The following STAG1 variants were observed in gnomAD, a reference collection of about 807,000 sequenced individuals.
STAG1 encodes cohesin subunit SA-1.
Under a neutral mutation model 170.9 loss-of-function variants are expected in STAG1, and 26 were observed. The ratio of observed to expected loss-of-function variants is 0.15; its 90% CI spans 0.11 to 0.21. The LOEUF (loss-of-function observed/expected upper bound fraction) is 0.21. STAG1 is among the 10% of genes least tolerant of loss of function. The pLI is 1.00. For synonymous variants in STAG1, 514 were observed against 497.7 expected (o/e 1.03, Z -0.44); for missense variants, 964 against 1,509.5 (o/e 0.64, Z 5.99).
chr3:136,510,336 C>T (rs575946104), intron 7 of STAG1, among the ~76,000 whole-genome samples: 47 of 152,258 alleles, frequency 3.1e-4, no homozygotes, highest in African/African-American at 8.2e-4. Flanking sequence ...GTCGCCCAGA[C>T]GGGAGTGCAG....
chr3:136,672,522 G>A lies in STAG1; in HGVS notation c.-83-41541C>T, dbSNP rs1007029599. Among the ~76,000 whole-genome samples the A allele has an allele frequency of 4.6e-5, 7 of 152,176 alleles. 1 individual carries two copies. The South Asian group carries it at 8.3e-4, about 18-fold the overall frequency. ...AGAGAGAGAAAAAGACTATCACAAA[G>A]CTTGGCTATTTTTTATCTTTAGCAC... On this transcript the variant is annotated intron_variant, in intron 1 of 33. Coordinates refer to ENST00000383202, the MANE Select transcript of STAG1 (RefSeq NM_005862.3).
Position 136,605,310 on chromosome 3 carries a change from G to C in STAG1, c.133-837C>G, listed in dbSNP as rs1351893606. 2.0e-5 allele frequency among the ~76,000 whole-genome samples: 3 copies of C among 151,970 alleles called. No individual in the cohort carries two copies. The East Asian group carries it at 5.8e-4, about 29-fold the overall frequency. On this transcript the variant is annotated intron_variant, in intron 3 of 33. Coordinates refer to ENST00000383202, the MANE Select transcript of STAG1 (RefSeq NM_005862.3). ...ACTTTATTTTAAAAAGTTAATACTT[G>C]CTATAATCTTATCTCTATCTCACCT...
intron 1 of STAG1, among the ~76,000 whole-genome samples, chr3:136,687,446 A>T (rs543478366): frequency 6.2e-4 from 95 of 152,294 alleles, no homozygotes; most frequent in African/African-American, 2.2e-3. Context: ...TTAATTTTAA[A>T]GTCTTTTGTG....
intron 3 of STAG1, among the ~76,000 whole-genome samples, chr3:136,616,149 G>A (rs1441232793): frequency 2.6e-5 from 4 of 151,848 alleles, no homozygotes; most frequent in South Asian, 2.1e-4. Context: ...GGCACCTGTC[G>A]TCCCAGCTAC....
intron 3 of STAG1, among the ~76,000 whole-genome samples, chr3:136,605,342 C>G (rs1399995431): frequency 6.6e-6 from 1 of 152,146 alleles, no homozygotes; most frequent in Non-Finnish European, 1.5e-5. Context: ...ACCTTTAGGG[C>G]CAAGGATCAT....
chr3:136,501,865 T>C (rs1032184468), intron 8 of STAG1, among the ~76,000 whole-genome samples: 5 of 152,088 alleles, frequency 3.3e-5, no homozygotes, highest in Non-Finnish European at 5.9e-5. Flanking sequence ...TAGTATTGGA[T>C]AAATAAAAAT....
At chr3:136,463,276 A>C (rs2089327469) in intron 13 of STAG1, among the ~76,000 whole-genome samples, 1 of 151,880 alleles carries the variant, frequency 6.6e-6, no homozygotes, top group African/African-American at 2.4e-5. Flanking sequence ...CATAGAAATA[A>C]CTTTTCTCAC....
chr3:136,351,049 T>A (rs1936415845), intron 28 of STAG1, among the ~76,000 whole-genome samples: 1 of 152,200 alleles, frequency 6.6e-6, no homozygotes, highest in South Asian at 2.1e-4. Flanking sequence ...TATATACACC[T>A]TAAATATATA....
chr3:136,428,902 AG>A (rs2088211813), intron 16 of STAG1, among the ~76,000 whole-genome samples: 1 of 152,232 alleles, frequency 6.6e-6, no homozygotes, highest in Non-Finnish European at 1.5e-5. Flanking sequence ...TGGGATGCCA[AG>A]GTGGGAGAAT....
intron 5 of STAG1, among the ~76,000 whole-genome samples, chr3:136,568,221 A>G (rs1937151236): frequency 1.3e-5 from 2 of 152,174 alleles, no homozygotes; most frequent in South Asian, 4.1e-4. Context: ...ACCTGTTAAG[A>G]TTTATCTAGA....
intron 4 of STAG1, among the ~76,000 whole-genome samples, chr3:136,588,638 CTTTA>C (rs1322413598): frequency 1.3e-5 from 2 of 151,854 alleles, no homozygotes; most frequent in Admixed American, 6.6e-5. Flanking sequence ...CTGCATTTGG[CTTTA>C]TTTTTTTTTT....
intron 7 of STAG1, among the ~76,000 whole-genome samples, chr3:136,508,910 CAG>C (rs776207155): frequency 6.6e-6 from 1 of 151,574 alleles, no homozygotes; most frequent in Admixed American, 6.6e-5. Context: ...GAGAGAGAGA[CAG>C]AGACAGAGAA....
intron 8 of STAG1, among the ~76,000 whole-genome samples, chr3:136,502,032 T>C (rs1258810874): frequency 4.0e-5 from 6 of 151,850 alleles, no homozygotes; most frequent in Non-Finnish European, 7.4e-5. Context: ...AAATACAAAA[T>C]TAGCCAGGAG....
intron 1 of STAG1, among the ~76,000 whole-genome samples, chr3:136,637,768 T>C (rs892296965): frequency 6.6e-6 from 1 of 152,202 alleles, no homozygotes; most frequent in Non-Finnish European, 1.5e-5. Flanking sequence ...GAATGAATAT[T>C]AATTCACAGC....
chr3:136,602,821 T>C (rs1938735929), intron 4 of STAG1, among the ~76,000 whole-genome samples: 1 of 152,034 alleles, frequency 6.6e-6, no homozygotes, highest in Non-Finnish European at 1.5e-5. Context: ...ACCTGGGCAA[T>C]GGAGCAAGAC....
chr3:136,636,377 T>C (rs1256843238), intron 1 of STAG1, among the ~76,000 whole-genome samples: 1 of 152,194 alleles, frequency 6.6e-6, no homozygotes, highest in African/African-American at 2.4e-5. Flanking sequence ...GACAATGATG[T>C]TATTTGTGAA....
intron 1 of STAG1, among the ~76,000 whole-genome samples, chr3:136,750,871 G>C (rs1306464869): frequency 6.6e-6 from 1 of 152,046 alleles, no homozygotes; most frequent in Non-Finnish European, 1.5e-5. Context: ...TTAGAACAAG[G>C]TACGTTACAT....
chr3:136,733,332 C>T (rs569583743), intron 1 of STAG1, among the ~76,000 whole-genome samples: 4 of 152,028 alleles, frequency 2.6e-5, no homozygotes, highest in African/African-American at 9.7e-5. Context: ...ATGATCCACC[C>T]ACCTCAGCGT....
chr3:136,704,343 G>GC (rs1420818247), intron 1 of STAG1, among the ~76,000 whole-genome samples: 1 of 151,884 alleles, frequency 6.6e-6, no homozygotes, highest in Non-Finnish European at 1.5e-5. Flanking sequence ...GAGCCAACGA[G>GC]CCCAGGCATG....
Sources: allele counts gnomAD v4.1 joint callset (sites outside exome capture counted in the v4.1 genomes callset), GRCh38; gene constraint gnomAD v4.1.1; transcripts MANE v1.5; gene names NCBI Gene and HGNC (gene_info 2026-07-23, HGNC 2026-07-21).